The following IPO11 variants were observed in gnomAD, a reference collection of about 807,000 sequenced individuals.
IPO11 encodes importin 11, also known as importin-11.
Under a neutral mutation model 143.2 loss-of-function variants are expected in IPO11, and 66 were observed. The ratio of observed to expected loss-of-function variants is 0.46; its 90% CI spans 0.38 to 0.57. The LOEUF (loss-of-function observed/expected upper bound fraction) is 0.57, where lower values mean the gene tolerates loss of function less well. Ranked by LOEUF, IPO11 falls within the 20% of genes least tolerant of loss-of-function variation. The pLI is 0.00. For missense variants in IPO11, 1,026 were observed against 1,141.0 expected (o/e 0.90, Z 1.45); for synonymous variants, 385 against 377.8 (o/e 1.02, Z -0.22).
chr5:62,619,898 T>C (rs1418481271), intron 29 of IPO11, among the ~76,000 whole-genome samples: 2 of 151,746 alleles, frequency 1.3e-5, no homozygotes, highest in Non-Finnish European at 2.9e-5. Context: ...CACTGGATAG[T>C]GAATATTCTA....
chr5:62,501,521 T>C (rs1002918686), intron 16 of IPO11, among the ~76,000 whole-genome samples: 1 of 152,192 alleles, frequency 6.6e-6, no homozygotes, highest in African/African-American at 2.4e-5. Flanking sequence ...ATTTTTTTCT[T>C]GAAAGGAGAT....
intron 5 of IPO11, among the ~76,000 whole-genome samples, chr5:62,466,364 C>T (rs747588044): frequency 6.6e-6 from 1 of 152,162 alleles, no homozygotes; most frequent in Admixed American, 6.5e-5. Context: ...GATGCCTGTT[C>T]TATAAATAGC....
rs1469470904 is a variant in IPO11 at position 62,443,010 on chromosome 5, A to G, written c.166A>G (p.Ile56Val). ...TATTTTCACCAACCACACTTTGGAT[A>G]TAAATGTAAGGTGGCTTGCTGTACT... ...LNIFTNHTLD[I>V]NVRWLAVLYF... The change falls in exon 3 of 30, where the codon ATA becomes GTA. Residue 56 changes from isoleucine (I) to valine (V), a missense_variant. Around this residue, in one of 5 missense-constraint regions of IPO11, gnomAD observed 429 missense variants for 456.3 expected, o/e 0.94. Transcript: ENST00000325324. The G allele has an allele frequency of 1.9e-6, 3 of 1,609,072 alleles. No homozygotes were observed. The highest frequency in any genetic ancestry group is 2.2e-5 in the East Asian group (1 of 44,774).
intron 26 of IPO11, among the ~76,000 whole-genome samples, chr5:62,560,205 A>G (rs934915074): frequency 6.6e-6 from 1 of 152,206 alleles, no homozygotes; most frequent in Admixed American, 6.5e-5. Flanking sequence ...AGGCCTTCCC[A>G]GGACTAGGGC....
chr5:62,578,861 TGTC>T, intron 27 of IPO11: 1 of 316,370 alleles, frequency 3.2e-6, no homozygotes, highest in South Asian at 2.6e-5. Context: ...AGTTAAGAAA[TGTC>T]GTTCTTCAGA....
At chr5:62,441,735 C>T (rs1208974120) in intron 2 of IPO11, among the ~76,000 whole-genome samples, 3 of 149,836 alleles carry the variant, frequency 2.0e-5, no homozygotes, top group South Asian at 4.2e-4. Flanking sequence ...AGGCTGGTCT[C>T]GAACTCCTGA....
intron 20 of IPO11, among the ~76,000 whole-genome samples, chr5:62,523,664 A>G (rs1742273375): frequency 6.6e-6 from 1 of 152,196 alleles, no homozygotes; most frequent in Non-Finnish European, 1.5e-5. Context: ...GTAGATAGTG[A>G]TTCATGTCAC....
chr5:62,429,726 C>T (rs1393078445), intron 1 of IPO11, among the ~76,000 whole-genome samples: 4 of 151,696 alleles, frequency 2.6e-5, no homozygotes, highest in African/African-American at 7.3e-5. Context: ...CGGGTTCAAG[C>T]GATTCTCCTG....
intron 27 of IPO11, among the ~76,000 whole-genome samples, chr5:62,568,368 T>C (rs1460018554): frequency 4.6e-5 from 7 of 151,610 alleles, no homozygotes. Flanking sequence ...GTTTGTCCAT[T>C]GTAGTTTTCA....
chr5:62,621,228 TTGTAA>T (rs2112481843), intron 29 of IPO11, among the ~76,000 whole-genome samples: 1 of 152,302 alleles, frequency 6.6e-6, no homozygotes, highest in South Asian at 2.1e-4. Context: ...TCAGAAGTCA[TTGTAA>T]TGATAATGTT....
chr5:62,608,231 A>T (rs956798862), intron 29 of IPO11, among the ~76,000 whole-genome samples: 4 of 152,124 alleles, frequency 2.6e-5, no homozygotes, highest in African/African-American at 7.2e-5. Flanking sequence ...TTTGAACTTT[A>T]TCTGGAGCCC....
At chr5:62,501,096 C>T (rs1475120762) in intron 16 of IPO11, among the ~76,000 whole-genome samples, 1 of 152,194 alleles carries the variant, frequency 6.6e-6, no homozygotes, top group Non-Finnish European at 1.5e-5. Flanking sequence ...CCTGTATTTA[C>T]TGTGGGAAGT....
chr5:62,484,055 TCTTCACA>T lies in IPO11; in HGVS notation c.1068_1074del (p.Phe357IlefsTer4). 1 of 1,609,412 alleles carries T rather than the reference TCTTCACA, an allele frequency of 6.2e-7. No individual in the cohort carries two copies. The highest frequency in any genetic ancestry group is 8.5e-7 in the Non-Finnish European group (1 of 1,178,454). ...GAAGCCCATAAGATTAAGATGGCAT[TCTTCACA>T]TATCCTACTTTGACAGAGATATGTA... On this transcript the variant is annotated frameshift_variant, in exon 11 of 30. Coordinates refer to ENST00000325324, the MANE Select transcript of IPO11 (RefSeq NM_016338.5). LOFTEE classifies it high-confidence loss of function.
chr5:62,578,452 A>G (rs1744405295), intron 27 of IPO11, among the ~76,000 whole-genome samples: 1 of 152,104 alleles, frequency 6.6e-6, no homozygotes, highest in Non-Finnish European at 1.5e-5. Context: ...TACTCGATAT[A>G]CATCTTATTT....
rs1298110482 is a variant in IPO11 at position 62,504,666 on chromosome 5, G to A, written c.1591-1G>A. Reference sequence around the variant, plus strand: ...AAAACTAATGATATACTTTCTTTTAGGTCCGTATTGAAACAGCTACAACTT... The same window carrying A: ...AAAACTAATGATATACTTTCTTTTAAGTCCGTATTGAAACAGCTACAACTT... On this transcript the variant is annotated splice_acceptor_variant, in intron 16 of 29. Coordinates refer to ENST00000325324, the MANE Select transcript of IPO11 (RefSeq NM_016338.5). LOFTEE classifies it high-confidence loss of function. 2 of 1,461,020 alleles carry A rather than the reference G, an allele frequency of 1.4e-6. No individual in the cohort carries two copies. Among genetic ancestry groups the A allele is most frequent in the Non-Finnish European group, 9.4e-7 (1 of 1,066,830 alleles). 90.5% of individuals were successfully genotyped at this position (1,461,020 alleles called of 1,614,324 possible).
Position 62,553,320 on chromosome 5 carries a change from G to T in IPO11, c.2460+1984G>T, listed in dbSNP as rs543545536. On this transcript the variant is annotated intron_variant, in intron 26 of 29. Transcript: ENST00000325324. Reference sequence around the variant, plus strand: ...TTTTTTGAGGTCGAATAGTATTCGTGTGAGTGTGTGTGTGTGTGTGTGTGT... The same window carrying T: ...TTTTTTGAGGTCGAATAGTATTCGTTTGAGTGTGTGTGTGTGTGTGTGTGT... Among the ~76,000 whole-genome samples, 8 of 125,240 alleles carry T rather than the reference G, an allele frequency of 6.4e-5. No individual in the cohort carries two copies. The South Asian group carries it at 2.4e-3, about 38-fold the overall frequency. 82.2% of individuals were successfully genotyped at this position (125,240 alleles called of 152,430 possible).
chr5:62,567,489 A>AC (rs1554055766), intron 27 of IPO11, among the ~76,000 whole-genome samples: 1 of 123,092 alleles, frequency 8.1e-6, no homozygotes, highest in African/African-American at 3.2e-5. Context: ...TATTATTATT[A>AC]TTATTATTTT....
At chr5:62,570,519 G>A (rs1744099846) in intron 27 of IPO11, among the ~76,000 whole-genome samples, 1 of 152,138 alleles carries the variant, frequency 6.6e-6, no homozygotes, top group Non-Finnish European at 1.5e-5. Context: ...TTTTAAAGAT[G>A]CTATTATGTG....
At chr5:62,587,925 C>A (rs1216731385) in intron 27 of IPO11, among the ~76,000 whole-genome samples, 1 of 152,182 alleles carries the variant, frequency 6.6e-6, no homozygotes, top group African/African-American at 2.4e-5. Flanking sequence ...TTCATGAGGT[C>A]TGGGAGGGAT....
Sources: allele counts gnomAD v4.1 joint callset (sites outside exome capture counted in the v4.1 genomes callset), GRCh38; gene constraint gnomAD v4.1.1; regional missense constraint gnomAD v4.1.1; transcripts MANE v1.5; gene names NCBI Gene and HGNC (gene_info 2026-07-23, HGNC 2026-07-21).